The following VIT variants were observed in gnomAD, a reference collection of about 807,000 sequenced individuals.
The protein encoded by VIT is vitrin.
VIT carries 99 observed loss-of-function variants against 78.0 expected under a neutral mutation model. The ratio of observed to expected loss-of-function variants is 1.27; its 90% CI spans 1.08 to 1.50. The LOEUF is 1.50. VIT is among the 40% of genes most tolerant of loss of function. The probability of loss-of-function intolerance (pLI) is 0.00; values close to 1 mark genes in which losing one functional copy is unlikely to be tolerated. For missense variants in VIT, 1,126 were observed against 875.3 expected, an observed-to-expected ratio of 1.29 and a Z score of -3.61; for synonymous variants, 374 against 334.3, an observed-to-expected ratio of 1.12 and a Z score of -1.29.
chr2:36,704,106 A>G (rs1459165530), intron 1 of VIT, among the ~76,000 whole-genome samples: 1 of 151,828 alleles, frequency 6.6e-6, no homozygotes, highest in African/African-American at 2.4e-5. Context: ...TTGTATTTTT[A>G]GTAGAGCTGG....
rs1558553779 is a variant in VIT, at chr2:36,767,225, G to GC, written c.620dup (p.Ala208CysfsTer37). ...CACCTTGCCAAGGCCATCCCCTTCT[G>GC]CTGCTTCTACCACCAGCATCCCCAG... On this transcript the variant is annotated frameshift_variant, in exon 7 of 16. Coordinates refer to ENST00000379242, the MANE Select transcript of VIT (RefSeq NM_053276.4). LOFTEE classifies it high-confidence loss of function. 1 of 1,604,996 alleles carries GC rather than the reference G, an allele frequency of 6.2e-7. No individual in the cohort carries two copies. Among genetic ancestry groups the GC allele is most frequent in the East Asian group, 2.3e-5 (1 of 44,172 alleles).
intron 12 of VIT, among the ~76,000 whole-genome samples, chr2:36,790,739 A>G (rs939474145): frequency 6.6e-6 from 1 of 152,222 alleles, no homozygotes; most frequent in Non-Finnish European, 1.5e-5. Context: ...CTGCCAGGAA[A>G]GAGTCTGGTA....
chr2:36,751,952 G>A (rs1668489366), intron 4 of VIT, among the ~76,000 whole-genome samples: 1 of 152,192 alleles, frequency 6.6e-6, no homozygotes, highest in African/African-American at 2.4e-5. Flanking sequence ...CAGGATTTAA[G>A]ATGTAGAGAA....
intron 12 of VIT, among the ~76,000 whole-genome samples, chr2:36,793,998 G>A (rs940661555): frequency 6.6e-6 from 1 of 152,206 alleles, no homozygotes; most frequent in African/African-American, 2.4e-5. Flanking sequence ...ATATAGTTTA[G>A]TAAGTGCCTT....
rs1042003838 is a variant in VIT, at chr2:36,772,656, A to T, written c.680-1135A>T. ...CAGGAGTTCAAGGCTGCAGTGAGCT[A>T]TGATCACACCACTGTACCCCAGCCT... On this transcript the variant is annotated intron_variant, in intron 7 of 15. Coordinates refer to ENST00000379242, the MANE Select transcript of VIT (RefSeq NM_053276.4). 2.0e-5 allele frequency among the ~76,000 whole-genome samples: 3 copies of T among 152,214 alleles called. No homozygotes were observed. In the East Asian group the frequency reaches 5.8e-4, roughly 29 times the overall value.
intron 4 of VIT, among the ~76,000 whole-genome samples, chr2:36,746,440 T>G (rs918827717): frequency 6.6e-6 from 1 of 152,220 alleles, no homozygotes; most frequent in Non-Finnish European, 1.5e-5. Context: ...TCCAGGGCTT[T>G]TTTTTGGTTA....
At chr2:36,742,530 T>C in intron 3 of VIT, among the ~76,000 whole-genome samples, 1 of 152,170 alleles carries the variant, frequency 6.6e-6, no homozygotes, top group Admixed American at 6.5e-5. Flanking sequence ...TCCAGAAGTC[T>C]TTCATTGCCT....
At chr2:36,786,868 C>G (rs1443644294) in intron 11 of VIT, among the ~76,000 whole-genome samples, 2 of 152,220 alleles carry the variant, frequency 1.3e-5, no homozygotes, top group African/African-American at 4.8e-5. Flanking sequence ...TAGGACGTCG[C>G]TGCTTCTGAA....
chr2:36,813,138 C>A (rs1009815585), intron 15 of VIT, among the ~76,000 whole-genome samples: 4 of 150,800 alleles, frequency 2.7e-5, no homozygotes, highest in Admixed American at 1.3e-4. Context: ...CCGCACCCAG[C>A]CTGTTTTTGC....
chr2:36,775,137 A>T (rs1401977759), intron 9 of VIT, 70 bp downstream of exon 9: 1 of 1,558,296 alleles, frequency 6.4e-7, no homozygotes, highest in African/African-American at 1.4e-5. Context: ...AAACATGAGG[A>T]CCTCCCCACA....
rs747018551 is a variant in VIT, at chr2:36,743,231, A to G, written c.250A>G (p.Ser84Gly). ...YGTDVYASYS[S>G]VCGAAVHSGV... ...CACTGACGTGTATGCATCCTACTCC[A>G]GTGTGTGTGGCGCTGCCGTACACAG... The change falls in exon 4 of 16, where the codon AGT (serine) becomes GGT (glycine). Residue 84 changes from serine to glycine, a missense_variant. By Grantham distance (56) the Ser-to-Gly change is moderately conservative (BLOSUM62 0). Transcript: ENST00000379242. 6.2e-7 allele frequency: 1 copy of G among 1,614,002 alleles called. No homozygotes were observed. Among genetic ancestry groups the G allele is most frequent in the Non-Finnish European group, 8.5e-7 (1 of 1,179,880 alleles).
At chr2:36,782,855 C>G (rs1459607953) in intron 10 of VIT, among the ~76,000 whole-genome samples, 1 of 152,182 alleles carries the variant, frequency 6.6e-6, no homozygotes, top group Non-Finnish European at 1.5e-5. Context: ...CTGTCTTCCT[C>G]CAGTCCACAT....
At chr2:36,777,928 T>A (rs1419356772) in intron 9 of VIT, among the ~76,000 whole-genome samples, 2 of 152,278 alleles carry the variant, frequency 1.3e-5, no homozygotes, top group Non-Finnish European at 2.9e-5. Flanking sequence ...CCTTTGTGTT[T>A]AGATCAACCC....
At chr2:36,768,987 G>A (rs906182766) in intron 7 of VIT, among the ~76,000 whole-genome samples, 2 of 152,144 alleles carry the variant, frequency 1.3e-5, no homozygotes, top group African/African-American at 4.8e-5. Flanking sequence ...AGAATTTTTG[G>A]TGTTCTGAAA....
Position 36,767,149 on chromosome 2 carries a change from G to C in VIT, c.543G>C (p.Pro181=). Residue 181 remains proline (P), a synonymous_variant, in exon 7 of 16, where the codon CCG becomes CCC. Transcript: ENST00000379242. ...CTATTCCAGGGACAACTGCACAGCC[G>C]GTCACTCTGATGCAGCTTCTGGCTG... is the stretch of plus-strand genomic sequence containing the variant. ...RPPIPGTTAQ[P]VTLMQLLAVT... is the part of the protein sequence containing the mutation. 1 of 1,609,034 alleles carries C rather than the reference G, an allele frequency of 6.2e-7. No individual in the cohort carries two copies.
At chr2:36,767,428 T>C in intron 7 of VIT, 143 bp downstream of exon 7, 1 of 783,736 alleles carries the variant, frequency 1.3e-6, no homozygotes, top group Non-Finnish European at 1.8e-6. Context: ...ATTTGTGTCC[T>C]CCTCCTAGAT....
At chr2:36,813,271 GAAACCCTGTCTCTACTAAAAATAC>G (rs932611516) in intron 15 of VIT, among the ~76,000 whole-genome samples, 2 of 151,900 alleles carry the variant, frequency 1.3e-5, no homozygotes, top group Admixed American at 1.3e-4. Flanking sequence ...CAAACATGGT[GAAACCCTGTCTCTACTAAAAATAC>G]AAAAATTAGC....
At chr2:36,705,058 G>C (rs143121537) in intron 1 of VIT, among the ~76,000 whole-genome samples, 403 of 152,278 alleles carry the variant, frequency 2.6e-3, no homozygotes, top group African/African-American at 9.4e-3. Context: ...GGAAGAACGG[G>C]GAGGAGGCAA....
At chr2:36,761,424 G>A (rs912209120) in intron 6 of VIT, among the ~76,000 whole-genome samples, 2 of 152,152 alleles carry the variant, frequency 1.3e-5, no homozygotes, top group South Asian at 2.1e-4. Flanking sequence ...GGGAAGTTCA[G>A]TGGCATCTCT....
Sources: gnomAD v4.1 joint callset for allele counts (sites outside exome capture counted in the v4.1 genomes callset) on GRCh38, gnomAD v4.1.1 for gene constraint, MANE v1.5 for transcripts, NCBI Gene and HGNC (gene_info 2026-07-23, HGNC 2026-07-21) for gene names.